Variants in ACSM1 observed in about 807,000 individuals in gnomAD.
The protein encoded by ACSM1 is acyl-CoA synthetase medium chain family member 1.
In ACSM1, 79 loss-of-function variants were observed where a neutral mutation model predicts 75.8. That is an observed-to-expected ratio of 1.04 (90% confidence interval 0.87 to 1.26). The LOEUF (loss-of-function observed/expected upper bound fraction) is 1.26, where lower values mean the gene tolerates loss of function less well. Ranked by LOEUF, ACSM1 falls within the 50% of genes most tolerant of loss-of-function variation. The pLI, the probability that ACSM1 is intolerant of heterozygous loss-of-function variation, is 0.00. For missense variants in ACSM1, 676 were observed against 720.1 expected (o/e 0.94, Z 0.70); for synonymous variants, 279 against 265.8 (o/e 1.05, Z -0.48).
chr16:20,671,604 T>C lies in ACSM1; in HGVS notation c.679A>G (p.Ser227Gly). 1 of 1,613,888 alleles carries C rather than the reference T, an allele frequency of 6.2e-7. No individual in the cohort carries two copies. Among genetic ancestry groups the C allele is most frequent in the Non-Finnish European group, 8.5e-7 (1 of 1,179,862 alleles). Reference sequence around the variant, plus strand: ...ATCTTGGGGAAGCCTGTGGTCCCACTGGTGAAGAAGATGACCATTGGGTCC... The same window carrying C: ...ATCTTGGGGAAGCCTGTGGTCCCACCGGTGAAGAAGATGACCATTGGGTCC... ...TLDPMVIFFT[S>G]GTTGFPKMAK... The change falls in exon 5 of 14, where the codon AGT becomes GGT. Residue 227 changes from serine to glycine, a missense_variant. Physicochemically the swap from Ser to Gly is moderately conservative, Grantham distance 56 (BLOSUM62 0). Transcript: ENST00000520010.
intron 1 of ACSM1, among the ~76,000 whole-genome samples, chr16:20,695,640 G>A (rs535962775): frequency 2.3e-4 from 34 of 150,390 alleles, no homozygotes; most frequent in South Asian, 6.3e-4. Context: ...TGTATCTATC[G>A]TCTATCTATC....
chr16:20,663,211 A>G (rs1753039313), intron 6 of ACSM1, among the ~76,000 whole-genome samples: 1 of 152,122 alleles, frequency 6.6e-6, no homozygotes, highest in Admixed American at 6.5e-5. Flanking sequence ...TATGTTCTCC[A>G]TTATCTCAGG....
chr16:20,623,660 G>A, intron 13 of ACSM1, 88 bp from the exon 14 acceptor site: 1 of 1,317,386 alleles, frequency 7.6e-7, no homozygotes, highest in East Asian at 2.3e-5. Flanking sequence ...CCCCTCCACA[G>A]TCTCCCATGC....
intron 4 of ACSM1, chr16:20,680,940 C>T (rs1308827502): frequency 6.6e-6 from 1 of 152,188 alleles, no homozygotes; most frequent in Admixed American, 6.5e-5. Context: ...GCAAGGGGAA[C>T]TCTTATGGTA....
At chr16:20,660,508 G>A (rs2019240933) in intron 7 of ACSM1, among the ~76,000 whole-genome samples, 1 of 152,152 alleles carries the variant, frequency 6.6e-6, no homozygotes, top group Non-Finnish European at 1.5e-5. Context: ...CAGAGTCTCA[G>A]ATGGAATCAT....
In ACSM1 at chr16:20,637,370, C is replaced by T; in HGVS notation, c.1197+1G>A. ...CCCTGCCAATGCCCTTAGGACCAGA[C>T]CTGGACGTCGTAGGGTGGAGTGGCC... On this transcript the variant is annotated splice_donor_variant, in intron 9 of 13. Transcript: ENST00000520010. LOFTEE classifies it high-confidence loss of function. 6.2e-7 allele frequency: 1 copy of T among 1,614,026 alleles called. No homozygotes were observed. Among genetic ancestry groups the T allele is most frequent in the Non-Finnish European group, 8.5e-7 (1 of 1,179,928 alleles).
intron 1 of ACSM1, among the ~76,000 whole-genome samples, chr16:20,695,592 A>G (rs556476553): frequency 9.2e-5 from 14 of 152,092 alleles, no homozygotes; most frequent in Non-Finnish European, 1.9e-4. Flanking sequence ...TCTATTATCT[A>G]TCTATCATCT....
intron 2 of ACSM1, among the ~76,000 whole-genome samples, chr16:20,687,672 A>G (rs950301918): frequency 5.3e-5 from 8 of 152,240 alleles, no homozygotes; most frequent in Admixed American, 4.6e-4. Context: ...TTTTAAATCA[A>G]TTGTCTTAAA....
At chr16:20,654,318 A>G (rs911599684) in intron 7 of ACSM1, among the ~76,000 whole-genome samples, 23 of 152,324 alleles carry the variant, frequency 1.5e-4, no homozygotes, top group Non-Finnish European at 2.9e-4. Flanking sequence ...CCTAGGCAAT[A>G]CCATTCAGGA....
intron 4 of ACSM1, among the ~76,000 whole-genome samples, chr16:20,672,930 A>C (rs1486750159): frequency 7.3e-6 from 1 of 137,906 alleles, no homozygotes; most frequent in Non-Finnish European, 1.5e-5. Context: ...ATTACATATA[A>C]ATATATAAAA....
At chr16:20,624,798 G>A (rs2016810758) in intron 12 of ACSM1, among the ~76,000 whole-genome samples, 1 of 151,916 alleles carries the variant, frequency 6.6e-6, no homozygotes, top group Admixed American at 6.6e-5. Context: ...AGGTTCAAGC[G>A]ATTCTCCTGC....
chr16:20,675,134 C>G (rs1050067298), intron 4 of ACSM1, among the ~76,000 whole-genome samples: 2 of 152,032 alleles, frequency 1.3e-5, no homozygotes, highest in Non-Finnish European at 2.9e-5. Flanking sequence ...GGTTCGTTTC[C>G]TCTGATGAAG....
intron 2 of ACSM1, among the ~76,000 whole-genome samples, chr16:20,685,850 A>AAAAAAC (rs2079545011): frequency 6.8e-6 from 1 of 146,466 alleles, no homozygotes; most frequent in Non-Finnish European, 1.5e-5. Context: ...AAAAAAACAA[A>AAAAAAC]AAACTTATAG....
chr16:20,636,600 G>A (rs997702197), intron 10 of ACSM1, 139 bp downstream of exon 10: 12 of 651,064 alleles, frequency 1.8e-5, no homozygotes, highest in African/African-American at 1.1e-4. Context: ...GAGAATGCAC[G>A]GTGAGCTTCG....
At chr16:20,682,926 A>T (rs2079476379) in intron 3 of ACSM1, among the ~76,000 whole-genome samples, 1 of 151,698 alleles carries the variant, frequency 6.6e-6, no homozygotes, top group Non-Finnish European at 1.5e-5. Context: ...GTATTTCACC[A>T]CATTGTCCTT....
chr16:20,669,531 T>C (rs1351581378), intron 6 of ACSM1, among the ~76,000 whole-genome samples: 1 of 151,494 alleles, frequency 6.6e-6, no homozygotes, highest in Admixed American at 6.6e-5. Context: ...TCTGGGAGAC[T>C]TGGACTTGTG....
chr16:20,653,996 TTCAAAC>T (rs2018799639), intron 7 of ACSM1, among the ~76,000 whole-genome samples: 1 of 152,200 alleles, frequency 6.6e-6, no homozygotes, highest in African/African-American at 2.4e-5. Context: ...GCTACCTGAC[TTCAAAC>T]GATACCACAA....
At chr16:20,697,473 C>G (rs2079695716) in intron 1 of ACSM1, among the ~76,000 whole-genome samples, 163 bp downstream of exon 1, 1 of 151,716 alleles carries the variant, frequency 6.6e-6, no homozygotes, top group Non-Finnish European at 1.5e-5. Flanking sequence ...CATTTTGCCT[C>G]TAAAATGAAG....
intron 7 of ACSM1, among the ~76,000 whole-genome samples, chr16:20,650,221 T>C (rs2018573550): frequency 6.6e-6 from 1 of 152,212 alleles, no homozygotes; most frequent in Non-Finnish European, 1.5e-5. Flanking sequence ...TCCTGCATTT[T>C]CTGCTAAAAT....
Sources: gnomAD v4.1 joint callset for allele counts (sites outside exome capture counted in the v4.1 genomes callset) on GRCh38, gnomAD v4.1.1 for gene constraint, MANE v1.5 for transcripts, NCBI Gene and HGNC (gene_info 2026-07-23, HGNC 2026-07-21) for gene names.